GMCL1: variants seen among roughly 807,000 people sequenced by gnomAD.
GMCL1 encodes the protein germ cell-less protein-like 1.
Under a neutral mutation model 75.5 loss-of-function variants are expected in GMCL1, and 54 were observed. The ratio of observed to expected loss-of-function variants is 0.71; its 90% CI spans 0.57 to 0.90. The LOEUF (loss-of-function observed/expected upper bound fraction) is 0.90, where lower values mean the gene tolerates loss of function less well. Among genes scored for constraint, GMCL1 ranks in the 40% least tolerant of loss-of-function variants. The pLI is 0.00. For missense variants in GMCL1, 537 were observed against 622.7 expected, an observed-to-expected ratio of 0.86 and a Z score of 1.47; for synonymous variants, 210 against 209.6, an observed-to-expected ratio of 1.00 and a Z score of -0.02.
chr2:69,830,028 T>G lies in GMCL1; in HGVS notation c.136T>G (p.Cys46Gly). Reference protein sequence around the residue: ...DDAAGHGFCYCAGSHKRKRSS... With the variant: ...DDAAGHGFCYGAGSHKRKRSS... ...TGCGGCGGGCCACGGATTCTGTTAC[T>G]GTGCGGGCAGCCACAAGCGCAAGCG... Residue 46 changes from cysteine (C) to glycine (G), a missense_variant, in exon 1 of 14, where the codon TGT becomes GGT. Cys to Gly is a radical substitution (Grantham distance 159). This residue lies in a region of GMCL1 where 144 missense variants were observed against 127.2 expected (regional missense o/e 1.13). Transcript: ENST00000282570. 6.4e-7 allele frequency: 1 copy of G among 1,564,150 alleles called. No individual in the cohort carries two copies.
At chr2:69,871,075 T>C (rs751577666) in intron 12 of GMCL1, among the ~76,000 whole-genome samples, 2 of 152,228 alleles carry the variant, frequency 1.3e-5, no homozygotes, top group Non-Finnish European at 2.9e-5. Context: ...TGTATACTTA[T>C]GTTCATAACA....
At chr2:69,849,590 T>C in intron 7 of GMCL1, 62 bp from the exon 8 acceptor site, 1 of 1,108,554 alleles carries the variant, frequency 9.0e-7, no homozygotes, top group Non-Finnish European at 1.3e-6. Flanking sequence ...AATTTGAAAA[T>C]GTAAAATCAT....
chr2:69,847,635 C>A lies in GMCL1; in HGVS notation c.843+8C>A. 1 of 1,544,336 alleles carries A rather than the reference C, an allele frequency of 6.5e-7. No homozygotes were observed. Among genetic ancestry groups the A allele is most frequent in the Non-Finnish European group, 8.9e-7 (1 of 1,118,084 alleles). On this transcript the variant is annotated splice_region_variant and intron_variant, in intron 7 of 13. Transcript: ENST00000282570. ...TACACTGCTCTAAAAAAGGTACTGA[C>A]GTAATATGATGTCATATTATACAAG...
chr2:69,874,776 C>CTT (rs1383353226), intron 13 of GMCL1, among the ~76,000 whole-genome samples: 1 of 148,984 alleles, frequency 6.7e-6, no homozygotes, highest in Non-Finnish European at 1.5e-5. Flanking sequence ...GGTTGTCACT[C>CTT]TGTCACTCAG....
chr2:69,877,743 G>C (rs903382933), intron 13 of GMCL1, among the ~76,000 whole-genome samples: 3 of 149,398 alleles, frequency 2.0e-5, no homozygotes, highest in African/African-American at 5.0e-5. Flanking sequence ...TGAGACATTT[G>C]TACTCTCTAC....
intron 9 of GMCL1, among the ~76,000 whole-genome samples, chr2:69,856,640 CTTTT>C (rs34707640): frequency 0.014 from 1,215 of 89,856 alleles, 25 homozygotes; most frequent in South Asian, 0.067. Flanking sequence ...CTCTTCCCTC[CTTTT>C]TTTTTTTTTT....
In GMCL1 at chr2:69,837,555, T is replaced by A; in HGVS notation, c.269T>A (p.Leu90Ter). 6.5e-7 allele frequency: 1 copy of A among 1,547,128 alleles called. No individual in the cohort carries two copies. The highest frequency in any genetic ancestry group is 8.7e-7 in the Non-Finnish European group (1 of 1,146,986). Residue 90 changes from leucine (L) to a stop codon, truncating the protein, a stop_gained, in exon 2 of 14, where the codon TTA becomes TAA. Transcript: ENST00000282570. LOFTEE classifies it high-confidence loss of function. ...RLLNTPRRKK[L>*]KSTSKYIYQT... ...TTCATTTCTTTTAACAGGAAAAAAT[T>A]AAAGAGTACATCTAAATATATTTAT...
chr2:69,866,677 C>T (rs1470868714), intron 11 of GMCL1, among the ~76,000 whole-genome samples: 1 of 151,750 alleles, frequency 6.6e-6, no homozygotes, highest in East Asian at 1.9e-4. Flanking sequence ...GTTGCCCAGG[C>T]TAGTCTCGAA....
intron 1 of GMCL1, among the ~76,000 whole-genome samples, chr2:69,834,154 TC>T (rs1674751964): frequency 6.6e-6 from 1 of 152,154 alleles, no homozygotes; most frequent in Non-Finnish European, 1.5e-5. Context: ...TAATGGCCTT[TC>T]CCCCACTCTT....
chr2:69,847,409 C>T, intron 6 of GMCL1, 134 bp from the exon 7 acceptor site: 1 of 701,296 alleles, frequency 1.4e-6, no homozygotes, highest in East Asian at 2.5e-5. Flanking sequence ...GATTCTTTGT[C>T]TTGGGCAGAA....
chr2:69,856,639 CCTT>C (rs1301508005), intron 9 of GMCL1, among the ~76,000 whole-genome samples: 4 of 134,356 alleles, frequency 3.0e-5, no homozygotes, highest in African/African-American at 1.1e-4. Context: ...TCTCTTCCCT[CCTT>C]TTTTTTTTTT....
At chr2:69,847,260 ATCAGAGC>A (rs1272970087) in intron 6 of GMCL1, among the ~76,000 whole-genome samples, 1 of 152,196 alleles carries the variant, frequency 6.6e-6, no homozygotes, top group Non-Finnish European at 1.5e-5. Flanking sequence ...TAATCAGCAG[ATCAGAGC>A]TCTTTGTTTC....
intron 4 of GMCL1, among the ~76,000 whole-genome samples, chr2:69,842,149 G>C (rs1189726662): frequency 6.6e-6 from 1 of 152,168 alleles, no homozygotes. Flanking sequence ...AGGAAAGTAG[G>C]GTAGTAGCAA....
At chr2:69,846,024 G>A (rs1252641934) in intron 6 of GMCL1, among the ~76,000 whole-genome samples, 1 of 150,594 alleles carries the variant, frequency 6.6e-6, no homozygotes, top group Non-Finnish European at 1.5e-5. Context: ...AATACATTAT[G>A]GAATAGAGGG....
chr2:69,842,349 C>G (rs1165182541), intron 4 of GMCL1, among the ~76,000 whole-genome samples: 1 of 152,066 alleles, frequency 6.6e-6, no homozygotes, highest in Admixed American at 6.6e-5. Flanking sequence ...TATTTTTGTA[C>G]TGATTTATTT....
chr2:69,877,706 T>TGTGTG (rs1676162597), intron 13 of GMCL1, among the ~76,000 whole-genome samples: 1 of 149,830 alleles, frequency 6.7e-6, no homozygotes, highest in African/African-American at 2.5e-5. Flanking sequence ...GATTGTGTGT[T>TGTGTG]TGTGTGTGTG....
Position 69,858,411 on chromosome 2 carries a change from A to ACT in GMCL1, c.1073-2867_1073-2866insCT, listed in dbSNP as rs1303832805. 2.6e-5 allele frequency among the ~76,000 whole-genome samples: 4 copies of ACT among 152,334 alleles called. No homozygotes were observed. The East Asian group carries it at 7.7e-4, about 29-fold the overall frequency. On this transcript the variant is annotated intron_variant, in intron 9 of 13. Transcript: ENST00000282570. The stretch of plus-strand genomic sequence containing the variant: ...TAGTCAAAATTTAGTCTACTTAGTC[A>ACT]AAGTTTCTTGAAGGCACTTTTTCAG...
At chr2:69,863,980 C>T (rs1005617527) in intron 10 of GMCL1, among the ~76,000 whole-genome samples, 2 of 152,020 alleles carry the variant, frequency 1.3e-5, no homozygotes, top group East Asian at 1.9e-4. Context: ...AGCTTCCACT[C>T]GGGCACAAAT....
chr2:69,871,609 A>C, intron 12 of GMCL1, 136 bp from the exon 13 acceptor site: 1 of 553,728 alleles, frequency 1.8e-6, no homozygotes. Flanking sequence ...GTCAGATTAC[A>C]GTTTGAAAAG....
Sources: allele counts gnomAD v4.1 joint callset (sites outside exome capture counted in the v4.1 genomes callset), GRCh38; gene constraint gnomAD v4.1.1; regional missense constraint gnomAD v4.1.1; transcripts MANE v1.5; gene names NCBI Gene and HGNC (gene_info 2026-07-23, HGNC 2026-07-21).